The following CDC42SE2 variants were observed in gnomAD, a reference collection of about 807,000 sequenced individuals.
CDC42SE2 encodes CDC42 small effector 2.
Under a neutral mutation model 11.5 loss-of-function variants are expected in CDC42SE2, and 3 were observed. That is an observed-to-expected ratio of 0.26 (90% CI 0.12 to 0.67). The LOEUF (loss-of-function observed/expected upper bound fraction) is 0.67. Among genes scored for constraint, CDC42SE2 ranks in the 30% least tolerant of loss-of-function variants. The probability of loss-of-function intolerance (pLI) is 0.80; values close to 1 mark genes in which losing one functional copy is unlikely to be tolerated. For missense variants in CDC42SE2, 82 were observed against 106.8 expected (o/e 0.77, Z 1.02); for synonymous variants, 33 against 34.8 (o/e 0.95, Z 0.18).
chr5:131,237,225 A>T, the CDC42SE2 span, among the ~76,000 whole-genome samples: 1 of 152,180 alleles, frequency 6.6e-6, no homozygotes, highest in Non-Finnish European at 1.5e-5. Context: ...TTTCTGAAAA[A>T]GTCTAAGAGG....
chr5:131,338,377 T>C (rs1381574722), intron 2 of CDC42SE2, among the ~76,000 whole-genome samples: 1 of 152,206 alleles, frequency 6.6e-6, no homozygotes, highest in Non-Finnish European at 1.5e-5. Context: ...TTGTTTTGTT[T>C]ATATAGCCTC....
chr5:131,221,603 A>C, the CDC42SE2 span, among the ~76,000 whole-genome samples: 32 of 152,340 alleles, frequency 2.1e-4, no homozygotes, highest in Admixed American at 1.7e-3. Context: ...CAGTGAAAAA[A>C]AAAACAAAAC....
chr5:131,229,452 A>G, the CDC42SE2 span, among the ~76,000 whole-genome samples: 1 of 151,918 alleles, frequency 6.6e-6, no homozygotes, highest in South Asian at 2.1e-4. Flanking sequence ...AGGGAGTCTC[A>G]CTGTGTTGCC....
chr5:131,380,093 AT>A (rs546106790), intron 3 of CDC42SE2, among the ~76,000 whole-genome samples: 5 of 150,062 alleles, frequency 3.3e-5, no homozygotes, highest in East Asian at 2.0e-4. Flanking sequence ...TGCCCAGCTA[AT>A]TTTTTTTTCT....
Position 131,337,040 on chromosome 5 carries a change from C to T in CDC42SE2, c.-286+20896C>T, listed in dbSNP as rs536165410. Among the ~76,000 whole-genome samples the T allele has an allele frequency of 1.7e-3, 254 of 152,274 alleles. 1 individual carries two copies. The highest frequency in any genetic ancestry group is 5.8e-3 in the African/African-American group (240 of 41,550). ...CTGCGTTCCTTTGGAGGAGGAGAGG[C>T]GGTCTGATTTTTAGCGTTTCCGGTT... On this transcript the variant is annotated intron_variant, in intron 2 of 4. Coordinates refer to ENST00000505065, the MANE Select transcript of CDC42SE2 (RefSeq NM_001375635.1).
chr5:131,388,332 T>C lies in CDC42SE2; in HGVS notation c.157-2661T>C, dbSNP rs75201020. 2.2e-4 allele frequency among the ~76,000 whole-genome samples: 34 copies of C among 152,286 alleles called. No homozygotes were observed. In the East Asian group the frequency reaches 6.6e-3, roughly 29 times the overall value. On this transcript the variant is annotated intron_variant, in intron 4 of 4. Transcript: ENST00000505065. ...TTGAAAGTATCATTGATAGTACTGA[T>C]TTGATGAGCCTGACTCTGTGAGAAA... is the stretch of plus-strand genomic sequence containing the variant.
chr5:131,296,712 G>T (rs1757577417), intron 1 of CDC42SE2, among the ~76,000 whole-genome samples: 1 of 152,156 alleles, frequency 6.6e-6, no homozygotes, highest in South Asian at 2.1e-4. Context: ...AGGTACTGGG[G>T]GGGTTAGGAT....
intron 2 of CDC42SE2, among the ~76,000 whole-genome samples, chr5:131,256,141 T>C (rs1301401305): frequency 6.6e-6 from 1 of 152,212 alleles, no homozygotes; most frequent in Non-Finnish European, 1.5e-5. Flanking sequence ...TACCAGCTTG[T>C]TACTTCAAAA....
At chr5:131,272,150 A>G (rs945265771) in intron 1 of CDC42SE2, among the ~76,000 whole-genome samples, 1 of 151,954 alleles carries the variant, frequency 6.6e-6, no homozygotes, top group African/African-American at 2.4e-5. Flanking sequence ...AGCTGGAATT[A>G]CAGGCGCCCA....
At chr5:131,311,983 G>A (rs985719119) in intron 1 of CDC42SE2, among the ~76,000 whole-genome samples, 49 of 152,196 alleles carry the variant, frequency 3.2e-4, no homozygotes, top group Non-Finnish European at 5.4e-4. Flanking sequence ...TCTGTTGCTG[G>A]TGAGGAACTG....
intron 1 of CDC42SE2, among the ~76,000 whole-genome samples, chr5:131,271,283 G>A (rs551974077): frequency 1.1e-3 from 171 of 152,140 alleles, no homozygotes; most frequent in African/African-American, 4.0e-3. Flanking sequence ...TTCCACTGGG[G>A]TCTCAGCATC....
chr5:131,359,001 A>G (rs548983778), intron 2 of CDC42SE2, among the ~76,000 whole-genome samples: 2 of 152,322 alleles, frequency 1.3e-5, no homozygotes, highest in East Asian at 1.9e-4. Flanking sequence ...CACGAAGGCA[A>G]AGATTTCTGT....
intron 2 of CDC42SE2, among the ~76,000 whole-genome samples, chr5:131,351,268 T>C (rs572272728): frequency 6.6e-6 from 1 of 151,922 alleles, no homozygotes; most frequent in African/African-American, 2.4e-5. Flanking sequence ...CCTTTTTTTT[T>C]TCCTGAGACG....
intron 1 of CDC42SE2, among the ~76,000 whole-genome samples, chr5:131,301,244 T>C (rs577589866): frequency 2.0e-5 from 3 of 152,042 alleles, no homozygotes; most frequent in Non-Finnish European, 2.9e-5. Flanking sequence ...TACAACTAGA[T>C]AGGAGGAATA....
At position 131,321,721 on chromosome 5, in the gene CDC42SE2, C is replaced by A. The variant is rs551587849; in HGVS notation, c.-286+5577C>A. On this transcript the variant is annotated intron_variant, in intron 2 of 4. Transcript: ENST00000505065. ...GTGGGAAACTTAATTCTATCTTCCC[C>A]CCCGCCAAAATCATCAAGCGTCGTA... Among the ~76,000 whole-genome samples the A allele has an allele frequency of 4.1e-3, 630 of 152,068 alleles. 5 individuals are homozygous for A. Among genetic ancestry groups the A allele is most frequent in the African/African-American group, 0.013 (545 of 41,450 alleles).
chr5:131,308,196 T>C (rs1205398415), intron 1 of CDC42SE2, among the ~76,000 whole-genome samples: 5 of 152,160 alleles, frequency 3.3e-5, no homozygotes, highest in Non-Finnish European at 7.4e-5. Context: ...ATTTATTAAA[T>C]AGGGAATCCT....
chr5:131,365,931 G>A (rs1377746063), intron 3 of CDC42SE2, among the ~76,000 whole-genome samples: 1 of 152,196 alleles, frequency 6.6e-6, no homozygotes, highest in Non-Finnish European at 1.5e-5. Flanking sequence ...GCAGTGAGTG[G>A]AGATTGCGCC....
intron 4 of CDC42SE2, among the ~76,000 whole-genome samples, chr5:131,388,109 C>T (rs1229075296): frequency 6.6e-6 from 1 of 152,110 alleles, no homozygotes; most frequent in Non-Finnish European, 1.5e-5. Context: ...GCAATCCTGT[C>T]TCAGCCTCCT....
At chr5:131,319,614 C>A (rs904593596) in intron 2 of CDC42SE2, among the ~76,000 whole-genome samples, 1 of 151,968 alleles carries the variant, frequency 6.6e-6, no homozygotes, top group Non-Finnish European at 1.5e-5. Context: ...AACTGACCAT[C>A]GTAATTCAGT....
Sources: allele counts gnomAD v4.1 joint callset (sites outside exome capture counted in the v4.1 genomes callset), GRCh38; gene constraint gnomAD v4.1.1; transcripts MANE v1.5; gene names NCBI Gene and HGNC (gene_info 2026-07-23, HGNC 2026-07-21).